PALM: variants seen among roughly 807,000 people sequenced by gnomAD.
PALM encodes the protein paralemmin, also known as paralemmin-1.
In PALM, 18 loss-of-function variants were observed where a neutral mutation model predicts 30.7. That is an observed-to-expected ratio of 0.59 (90% CI 0.41 to 0.87). PALM has a LOEUF of 0.87. Ranked by LOEUF, PALM falls within the 40% of genes least tolerant of loss-of-function variation. The probability of loss-of-function intolerance (pLI) is 0.00; values close to 1 mark genes in which losing one functional copy is unlikely to be tolerated. For synonymous variants in PALM, 286 were observed against 242.8 expected, an observed-to-expected ratio of 1.18 and a Z score of -1.66; for missense variants, 529 against 555.4, an observed-to-expected ratio of 0.95 and a Z score of 0.48.
chr19:741,144 AAT>A (rs1276097676), intron 8 of PALM, among the ~76,000 whole-genome samples: 1 of 151,998 alleles, frequency 6.6e-6, no homozygotes, highest in Admixed American at 6.6e-5. Context: ...GTCTCTTAAG[AAT>A]AAAAAATAAT....
rs2033227986 is a variant in PALM, at chr19:742,669, T to C, written c.634+2186T>C. ...CACACACTGCACGTGGCCTTCTGTG[T>C]CTGGCGTCTCTCACTGGGCGTGACG... On this transcript the variant is annotated intron_variant, in intron 8 of 8. Coordinates refer to ENST00000338448, the MANE Select transcript of PALM (RefSeq NM_002579.3). The surrounding 1 kb of genome is among the most constrained non-coding windows in gnomAD (Gnocchi z 5.5). 6.6e-6 allele frequency among the ~76,000 whole-genome samples: 1 copy of C among 151,880 alleles called. No homozygotes were observed. The highest frequency in any genetic ancestry group is 1.5e-5 in the Non-Finnish European group (1 of 67,970).
At chr19:744,275 C>T (rs1219869796) in intron 8 of PALM, among the ~76,000 whole-genome samples, 1 of 151,770 alleles carries the variant, frequency 6.6e-6, no homozygotes, top group South Asian at 2.1e-4. Flanking sequence ...TGGCAGGCGC[C>T]TGTAATCCCA....
At chr19:741,010 G>A (rs190883154) in intron 8 of PALM, among the ~76,000 whole-genome samples, 5 of 151,416 alleles carry the variant, frequency 3.3e-5, no homozygotes, top group African/African-American at 7.3e-5. Flanking sequence ...ATGGTGGTGC[G>A]TGCCTGTGGT....
At chr19:711,655 G>A (rs2032083512) in intron 1 of PALM, among the ~76,000 whole-genome samples, 1 of 152,196 alleles carries the variant, frequency 6.6e-6, no homozygotes, top group Non-Finnish European at 1.5e-5. Flanking sequence ...CCGCTGTCTT[G>A]TTTGTGGCGG....
chr19:709,751 T>A lies in PALM; in HGVS notation c.5+600T>A, dbSNP rs2032009641. On this transcript the variant is annotated intron_variant, in intron 1 of 8. Transcript: ENST00000338448. The surrounding 1 kb of genome is among the most constrained non-coding windows in gnomAD (Gnocchi z 4.3). Reference sequence around the variant, plus strand: ...CTCGGCTTCCCGGGTCTCTGGGGTGTGTGAGAAGGGAGAGGAACCGGCGTT... The same window carrying A: ...CTCGGCTTCCCGGGTCTCTGGGGTGAGTGAGAAGGGAGAGGAACCGGCGTT... 6.6e-6 allele frequency among the ~76,000 whole-genome samples: 1 copy of A among 151,808 alleles called. No homozygotes were observed. The highest frequency in any genetic ancestry group is 2.1e-4 in the South Asian group (1 of 4,808).
At position 742,825 on chromosome 19, in the gene PALM, T is replaced by C. The variant is rs1400702328; in HGVS notation, c.634+2342T>C. On this transcript the variant is annotated intron_variant, in intron 8 of 8. Coordinates refer to ENST00000338448, the MANE Select transcript of PALM (RefSeq NM_002579.3). This position sits in a 1 kb window ranked among gnomAD's most constrained non-coding sequence, Gnocchi z 5.5. ...TCCATCTGTAGACAGTTGGGCTGTT[T>C]CTACCCTTTGGCTGCAGTGAGTAGC... Among the ~76,000 whole-genome samples, 1 of 152,164 alleles carries C rather than the reference T, an allele frequency of 6.6e-6. No individual in the cohort carries two copies. Among genetic ancestry groups the C allele is most frequent in the East Asian group, 1.9e-4 (1 of 5,190 alleles).
Position 726,133 on chromosome 19 carries a change from C to T in PALM, c.6-5C>T, listed in dbSNP as rs369962423. ...CCAGAGCTTGACCTTATCTCCCTCC[C>T]GCAGGGTCCTGGCGGCAGAGACCAC... On this transcript the variant is annotated splice_polypyrimidine_tract_variant and splice_region_variant and intron_variant, in intron 1 of 8. Coordinates refer to ENST00000338448, the MANE Select transcript of PALM (RefSeq NM_002579.3). 26 of 1,612,278 alleles carry T rather than the reference C, an allele frequency of 1.6e-5. No homozygotes were observed. Among genetic ancestry groups the T allele is most frequent in the African/African-American group, 6.7e-5 (5 of 75,028 alleles).
At position 742,919 on chromosome 19, in the gene PALM, G is replaced by A. The variant is rs896838865; in HGVS notation, c.634+2436G>A. 3.9e-5 allele frequency among the ~76,000 whole-genome samples: 6 copies of A among 152,210 alleles called. No homozygotes were observed. Among genetic ancestry groups the A allele is most frequent in the African/African-American group, 1.4e-4 (6 of 41,456 alleles). On this transcript the variant is annotated intron_variant, in intron 8 of 8. Transcript: ENST00000338448. The surrounding 1 kb of genome is among the most constrained non-coding windows in gnomAD (Gnocchi z 5.5). ...TTCGAGGCCTTTGGGTGTACACGTA[G>A]GAGTGAACTGCTGGGTCCTGAGGCG...
chr19:711,618 G>A (rs185424725), intron 1 of PALM, among the ~76,000 whole-genome samples: 3 of 152,272 alleles, frequency 2.0e-5, no homozygotes, highest in South Asian at 2.1e-4. Flanking sequence ...TTTTACTTCC[G>A]TTGTATCTGT....
chr19:726,986 C>CG, intron 2 of PALM, 22 bp from the exon 3 acceptor site: 19 of 1,024,576 alleles, frequency 1.9e-5, no homozygotes, highest in Non-Finnish European at 2.8e-5. Flanking sequence ...CCATCCCTGA[C>CG]CCCACCCGGC....
intron 7 of PALM, 144 bp downstream of exon 7, chr19:736,222 G>C: frequency 1.7e-6 from 1 of 604,736 alleles, no homozygotes; most frequent in Non-Finnish European, 2.8e-6. Context: ...GGTGGCAGCT[G>C]GACCGAGGCC....
At chr19:714,350 T>C (rs1156914244) in intron 1 of PALM, among the ~76,000 whole-genome samples, 3 of 144,970 alleles carry the variant, frequency 2.1e-5, no homozygotes, top group East Asian at 4.1e-4. Flanking sequence ...TACGTTCTTT[T>C]TTTCTTTCTT....
chr19:744,721 C>T (rs1481248209), intron 8 of PALM, among the ~76,000 whole-genome samples: 1 of 151,482 alleles, frequency 6.6e-6, no homozygotes, highest in Non-Finnish European at 1.5e-5. Context: ...TGGTGAAACC[C>T]CATCTCTACT....
chr19:747,141 G>C lies in PALM; in HGVS notation c.*327G>C. 3.4e-6 allele frequency: 1 copy of C among 293,686 alleles called. No homozygotes were observed. The highest frequency in any genetic ancestry group is 6.4e-6 in the Non-Finnish European group (1 of 155,132). The allele number at this position is 293,686 out of a possible 1,614,324, so 18.2% of individuals were successfully genotyped here. The stretch of plus-strand genomic sequence containing the variant: ...CGCGCCCACCGGGGTCCTGGCGGGT[G>C]GGACCCGCAGCCTCCACGCGGCCCA... On this transcript the variant is annotated 3_prime_UTR_variant, in exon 9 of 9. Coordinates refer to ENST00000338448, the MANE Select transcript of PALM (RefSeq NM_002579.3).
intron 1 of PALM, among the ~76,000 whole-genome samples, chr19:720,041 GC>G (rs144399289): frequency 0.036 from 5,516 of 151,954 alleles, 358 homozygotes; most frequent in African/African-American, 0.13. Flanking sequence ...CTGGGCGGGC[GC>G]CCCCCGGACG....
intron 8 of PALM, among the ~76,000 whole-genome samples, chr19:743,572 G>T (rs1599169741): frequency 6.6e-6 from 1 of 152,212 alleles, no homozygotes; most frequent in Admixed American, 6.5e-5. Flanking sequence ...TGAAAGTGGA[G>T]AACACTTTCC....
chr19:709,215 A>G lies in PALM; in HGVS notation c.5+64A>G, dbSNP rs1162802402. On this transcript the variant is annotated intron_variant, in intron 1 of 8. Coordinates refer to ENST00000338448, the MANE Select transcript of PALM (RefSeq NM_002579.3). This position sits in a 1 kb window ranked among gnomAD's most constrained non-coding sequence, Gnocchi z 4.3. ...GAGCTCCGGGAGCCGGGGAGGGGGG[A>G]GGCCCCCTCTCTCGCGCCCCATTGG... is the stretch of plus-strand genomic sequence containing the variant. The G allele has an allele frequency of 1.4e-5, 4 of 290,622 alleles. No individual in the cohort carries two copies. Among genetic ancestry groups the G allele is most frequent in the Non-Finnish European group, 1.3e-5 (2 of 157,568 alleles). The allele number at this position is 290,622 out of a possible 1,614,324, so 18.0% of individuals were successfully genotyped here.
At position 731,262 on chromosome 19, in the gene PALM, G is replaced by C; in HGVS notation, c.420+17G>C. ...TCACAGCAGGTAAGGGGGTGACTGG[G>C]GGGAGCGGATCCCCAGGCACCCACT... is the stretch of plus-strand genomic sequence containing the variant. On this transcript the variant is annotated intron_variant, in intron 5 of 8. Coordinates refer to ENST00000338448, the MANE Select transcript of PALM (RefSeq NM_002579.3). 6.3e-7 allele frequency: 1 copy of C among 1,590,868 alleles called. No individual in the cohort carries two copies. Among genetic ancestry groups the C allele is most frequent in the Middle Eastern group, 1.8e-4 (1 of 5,632 alleles).
chr19:726,997 C>CCCCCA lies in PALM; in HGVS notation c.58-10_58-9insCCCAC. ...ACGCCCATCCCTGACCCCACCCGGC[C>CCCCCA]CTCCCCACAGGAGAAGCGGAAGCGG... On this transcript the variant is annotated splice_polypyrimidine_tract_variant and intron_variant, in intron 2 of 8. Transcript: ENST00000338448. 6 of 1,444,004 alleles carry CCCCCA rather than the reference C, an allele frequency of 4.2e-6. No homozygotes were observed. Among genetic ancestry groups the CCCCCA allele is most frequent in the Non-Finnish European group, 5.7e-6 (6 of 1,056,378 alleles). 89.4% of individuals were successfully genotyped at this position (1,444,004 alleles called of 1,614,324 possible). A position where few individuals can be genotyped will look rare whatever the true frequency, so the allele number is the denominator to read the frequency against.
Sources: gnomAD v4.1 joint callset for allele counts (sites outside exome capture counted in the v4.1 genomes callset) on GRCh38, gnomAD v4.1.1 for gene constraint, Gnocchi (gnomAD v3.1) non-coding constraint, MANE v1.5 for transcripts, NCBI Gene and HGNC (gene_info 2026-07-23, HGNC 2026-07-21) for gene names.